The following FAM227A variants were observed in gnomAD, a reference collection of about 807,000 sequenced individuals.
The protein encoded by FAM227A is protein FAM227A.
A neutral mutation model predicts 74.7 loss-of-function variants in FAM227A; 80 were observed. That is an observed-to-expected ratio of 1.07 (90% CI 0.89 to 1.29). The LOEUF is 1.29. FAM227A is among the 50% of genes most tolerant of loss of function. The pLI, the probability that FAM227A is intolerant of heterozygous loss-of-function variation, is 0.00. For missense variants in FAM227A, 654 were observed against 683.4 expected, an observed-to-expected ratio of 0.96 and a Z score of 0.48; for synonymous variants, 237 against 241.8, an observed-to-expected ratio of 0.98 and a Z score of 0.19.
intron 11 of FAM227A, among the ~76,000 whole-genome samples, chr22:38,610,652 T>G (rs942763443): frequency 6.6e-6 from 1 of 152,234 alleles, no homozygotes; most frequent in Non-Finnish European, 1.5e-5. Flanking sequence ...GAGGTTGCAG[T>G]GAGCTGAGAT....
intron 6 of FAM227A, among the ~76,000 whole-genome samples, chr22:38,635,072 C>T (rs1370696462): frequency 1.3e-5 from 2 of 151,880 alleles, no homozygotes; most frequent in Non-Finnish European, 1.5e-5. Context: ...GTGAAACCCC[C>T]GTTTCTAATA....
Position 38,626,892 on chromosome 22 carries a change from AT to A in FAM227A, c.727-590del, listed in dbSNP as rs1326136162. Reference sequence around the variant, plus strand: ...AAAAAAAAAAAAAAAAAAAAAAAAAATATATATATATATATATATATACACG... The same window carrying A: ...AAAAAAAAAAAAAAAAAAAAAAAAAAATATATATATATATATATATACACG... On this transcript the variant is annotated intron_variant, in intron 8 of 16. Coordinates refer to ENST00000535113, the MANE Select transcript of FAM227A (RefSeq NM_001013647.2). Among the ~76,000 whole-genome samples the A allele has an allele frequency of 6.7e-3, 398 of 59,158 alleles. 6 individuals carry two copies. Among genetic ancestry groups the A allele is most frequent in the African/African-American group, 0.02 (204 of 10,158 alleles). The allele number at this position is 59,158 out of a possible 152,430, so 38.8% of individuals were successfully genotyped here. A position where few individuals can be genotyped will look rare whatever the true frequency, so the allele number is the denominator to read the frequency against.
rs2090686534 is a variant in FAM227A at position 38,579,298 on chromosome 22, A to G, written c.*6827T>C. 6.6e-6 allele frequency: 1 copy of G among 152,166 alleles called. No homozygotes were observed. The highest frequency in any genetic ancestry group is 6.5e-5 in the Admixed American group (1 of 15,268). The allele number at this position is 152,166 out of a possible 1,614,324, so 9.4% of individuals were successfully genotyped here. A position where few individuals can be genotyped will look rare whatever the true frequency, so the allele number is the denominator to read the frequency against. ...AATAATATCGGCGCTGAGTTGTGAG[A>G]ATTAAATGGGTTAATACACATGAAG... On this transcript the variant is annotated 3_prime_UTR_variant, in exon 17 of 17. Coordinates refer to ENST00000535113, the MANE Select transcript of FAM227A (RefSeq NM_001013647.2).
intron 13 of FAM227A, among the ~76,000 whole-genome samples, chr22:38,600,728 C>T (rs1055149520): frequency 4.7e-4 from 72 of 151,972 alleles, no homozygotes; most frequent in African/African-American, 1.7e-3. Context: ...GAGGCCGAAG[C>T]AGATCGCAAG....
intron 3 of FAM227A, among the ~76,000 whole-genome samples, chr22:38,641,967 G>A (rs1237455075): frequency 6.8e-6 from 1 of 146,132 alleles, no homozygotes; most frequent in Non-Finnish European, 1.5e-5. Context: ...GTGTGTGTGT[G>A]TGTGTGTGCG....
Position 38,582,568 on chromosome 22 carries a change from A to G in FAM227A, c.*3557T>C. 1.2e-6 allele frequency: 1 copy of G among 843,824 alleles called. No homozygotes were observed. Among genetic ancestry groups the G allele is most frequent in the Non-Finnish European group, 1.8e-6 (1 of 554,456 alleles). 52.3% of individuals were successfully genotyped at this position (843,824 alleles called of 1,614,324 possible). A position where few individuals can be genotyped will look rare whatever the true frequency, so the allele number is the denominator to read the frequency against. On this transcript the variant is annotated 3_prime_UTR_variant, in exon 17 of 17. Coordinates refer to ENST00000535113, the MANE Select transcript of FAM227A (RefSeq NM_001013647.2). The stretch of plus-strand genomic sequence containing the variant: ...TTCCCTTCTAATGTTTACAAAGGGC[A>G]GAGACAGGTTTCTTCATATTTAACA...
At chr22:38,643,982 C>T (rs2092171980) in intron 3 of FAM227A, among the ~76,000 whole-genome samples, 1 of 151,682 alleles carries the variant, frequency 6.6e-6, no homozygotes, top group Non-Finnish European at 1.5e-5. Context: ...CCCGTCTCTA[C>T]TAAAAATACA....
intron 1 of FAM227A, among the ~76,000 whole-genome samples, chr22:38,655,351 G>A (rs1195425424): frequency 1.3e-5 from 2 of 151,110 alleles, no homozygotes; most frequent in African/African-American, 4.9e-5. Flanking sequence ...CCAACATGGT[G>A]AAACGCCATC....
At chr22:38,610,193 T>C (rs530784750) in intron 11 of FAM227A, among the ~76,000 whole-genome samples, 1 of 148,908 alleles carries the variant, frequency 6.7e-6, no homozygotes, top group Non-Finnish European at 1.5e-5. Context: ...TAAAAAAAAA[T>C]TTTTTTTTTG....
chr22:38,613,327 ATATATAATATATAACATATAT>A (rs746812400), intron 11 of FAM227A, among the ~76,000 whole-genome samples: 57 of 68,024 alleles, frequency 8.4e-4, no homozygotes, highest in East Asian at 1.2e-3. Flanking sequence ...AATATATATC[ATATATAATATATAACATATAT>A]TATATAATAT....
intron 16 of FAM227A, among the ~76,000 whole-genome samples, chr22:38,588,346 C>T (rs141844684): frequency 3.3e-4 from 50 of 152,214 alleles, no homozygotes; most frequent in African/African-American, 1.1e-3. Context: ...TAGCCAGGCG[C>T]GGTGGCTCAT....
In FAM227A at chr22:38,623,757, G is replaced by C. The variant is rs183038901; in HGVS notation, c.851-478C>G. ...CATGAGTTCCCTGAGAACAGGGAGT[G>C]GGTCTTCTTCTTTATACCTCCAGAG... On this transcript the variant is annotated intron_variant, in intron 9 of 16. Transcript: ENST00000535113. 3.9e-5 allele frequency among the ~76,000 whole-genome samples: 6 copies of C among 152,314 alleles called. No individual in the cohort carries two copies. The East Asian group carries it at 9.6e-4, about 24-fold the overall frequency.
In FAM227A at chr22:38,581,233, T is replaced by G. The variant is rs1334147604; in HGVS notation, c.*4892A>C. On this transcript the variant is annotated 3_prime_UTR_variant, in exon 17 of 17. Coordinates refer to ENST00000535113, the MANE Select transcript of FAM227A (RefSeq NM_001013647.2). ...TTGCTCCCAAGTCTTTCTGACAGGA[T>G]CCTTGTCTTTGATAGCTTCCTTGGT... is the stretch of plus-strand genomic sequence containing the variant. 6.6e-6 allele frequency: 1 copy of G among 152,184 alleles called. No homozygotes were observed. Among genetic ancestry groups the G allele is most frequent in the Non-Finnish European group, 1.5e-5 (1 of 68,028 alleles). 9.4% of individuals were successfully genotyped at this position (152,184 alleles called of 1,614,324 possible). A position where few individuals can be genotyped will look rare whatever the true frequency, so the allele number is the denominator to read the frequency against.
chr22:38,603,618 G>C (rs1327869606), intron 13 of FAM227A, among the ~76,000 whole-genome samples: 4 of 152,106 alleles, frequency 2.6e-5, no homozygotes, highest in African/African-American at 7.2e-5. Context: ...TCTGTGAGTG[G>C]TTTTTGTAAA....
intron 3 of FAM227A, among the ~76,000 whole-genome samples, chr22:38,640,442 C>T (rs928178248): frequency 6.6e-6 from 1 of 152,082 alleles, no homozygotes; most frequent in Non-Finnish European, 1.5e-5. Context: ...CTATTATCTA[C>T]CCTTGACCTC....
At chr22:38,590,763 G>A (rs2090915574) in intron 16 of FAM227A, among the ~76,000 whole-genome samples, 1 of 152,144 alleles carries the variant, frequency 6.6e-6, no homozygotes, top group Non-Finnish European at 1.5e-5. Context: ...TAAAATGAGA[G>A]TGGTGTGAGT....
intron 9 of FAM227A, among the ~76,000 whole-genome samples, chr22:38,625,470 C>A (rs1444149567): frequency 1.3e-5 from 2 of 151,706 alleles, no homozygotes; most frequent in Non-Finnish European, 2.9e-5. Flanking sequence ...CATGATTGGC[C>A]ACTGGGGGGT....
rs376581298 is a variant in FAM227A, at chr22:38,648,920, C to T, written c.142+1107G>A. ...CTGGGAGGCAGAGGTTGCAGTGAGCCGAGTCTATGCCACTGCACTCCAGCC... is the reference window on the plus strand; with the variant it reads ...CTGGGAGGCAGAGGTTGCAGTGAGCTGAGTCTATGCCACTGCACTCCAGCC... On this transcript the variant is annotated intron_variant, in intron 2 of 16. Coordinates refer to ENST00000535113, the MANE Select transcript of FAM227A (RefSeq NM_001013647.2). 7.3e-5 allele frequency among the ~76,000 whole-genome samples: 11 copies of T among 150,110 alleles called. No homozygotes were observed. In the East Asian group the frequency reaches 9.9e-4, roughly 14 times the overall value.
chr22:38,590,279 C>CAAAAAAAAAAAAAAAAAAAAAAAAAAAA (rs71197120), intron 16 of FAM227A, among the ~76,000 whole-genome samples: 1 of 58,026 alleles, frequency 1.7e-5, no homozygotes, highest in Non-Finnish European at 3.2e-5. Flanking sequence ...GACTCCATCT[C>CAAAAAAAAAAAAAAAAAAAAAAAAAAAA]AAAAAAAAAA....
Sources: gnomAD v4.1 joint callset for allele counts (sites outside exome capture counted in the v4.1 genomes callset) on GRCh38, gnomAD v4.1.1 for gene constraint, MANE v1.5 for transcripts, NCBI Gene and HGNC (gene_info 2026-07-23, HGNC 2026-07-21) for gene names.